STAB2: variants seen among roughly 807,000 people sequenced by gnomAD.
STAB2 encodes stabilin 2, also known as stabilin-2.
Under a neutral mutation model 338.1 loss-of-function variants are expected in STAB2, and 288 were observed. The ratio of observed to expected loss-of-function variants is 0.85; its 90% CI spans 0.77 to 0.94. The LOEUF is 0.94. Ranked by LOEUF, STAB2 falls within the 40% of genes least tolerant of loss-of-function variation. The probability of loss-of-function intolerance (pLI) is 0.00; values close to 1 mark genes in which losing one functional copy is unlikely to be tolerated. For synonymous variants in STAB2, 1,202 were observed against 1,193.3 expected, an observed-to-expected ratio of 1.01 and a Z score of -0.15; for missense variants, 3,141 against 3,210.1, an observed-to-expected ratio of 0.98 and a Z score of 0.52.
chr12:103,761,525 GAGCCTCC>G, intron 66 of STAB2, 115 bp downstream of exon 66: 2 of 933,314 alleles, frequency 2.1e-6, no homozygotes, highest in Middle Eastern at 3.5e-4. Flanking sequence ...GAGACTGGAG[GAGCCTCC>G]AGCCTCCAAC....
intron 65 of STAB2, among the ~76,000 whole-genome samples, chr12:103,759,705 G>T (rs1884399911): frequency 6.6e-6 from 1 of 152,200 alleles, no homozygotes; most frequent in Non-Finnish European, 1.5e-5. Flanking sequence ...GGTGATGGTG[G>T]TGATGATGAT....
chr12:103,674,578 T>C (rs1445926607), intron 23 of STAB2, among the ~76,000 whole-genome samples: 3 of 152,228 alleles, frequency 2.0e-5, no homozygotes, highest in Non-Finnish European at 4.4e-5. Context: ...GCTCCCCTGT[T>C]AAAGGCATCT....
At position 103,706,924 on chromosome 12, in the gene STAB2, G is replaced by C; in HGVS notation, c.4129G>C (p.Gly1377Arg). Residue 1377 changes from glycine to arginine, a missense_variant, in exon 38 of 69, where the codon GGC becomes CGC. Physicochemically the swap from Gly to Arg is moderately radical, Grantham distance 125. Coordinates refer to ENST00000388887, the MANE Select transcript of STAB2 (RefSeq NM_017564.10). ...CACAGGTGTGTGTGAGTGTGGGGAG[G>C]GCTTCAGCGGCACAGCCTGCGAGAC... Reference protein sequence around the residue: ...NGTGVCECGEGFSGTACETCT... With the variant: ...NGTGVCECGERFSGTACETCT... 1 of 1,614,198 alleles carries C rather than the reference G, an allele frequency of 6.2e-7. No homozygotes were observed. The highest frequency in any genetic ancestry group is 8.5e-7 in the Non-Finnish European group (1 of 1,180,034).
intron 67 of STAB2, among the ~76,000 whole-genome samples, chr12:103,763,018 G>A (rs1031192585): frequency 1.3e-5 from 2 of 152,244 alleles, no homozygotes; most frequent in Non-Finnish European, 2.9e-5. Flanking sequence ...AGGCTGTGGT[G>A]CAGAGCCCCC....
At chr12:103,629,963 T>C (rs1468787741) in intron 5 of STAB2, among the ~76,000 whole-genome samples, 1 of 152,196 alleles carries the variant, frequency 6.6e-6, no homozygotes, top group Non-Finnish European at 1.5e-5. Context: ...CTAAGATGTA[T>C]AAAATAAAGT....
At chr12:103,757,479 T>C (rs1328740830) in intron 63 of STAB2, among the ~76,000 whole-genome samples, 1 of 152,148 alleles carries the variant, frequency 6.6e-6, no homozygotes, top group Non-Finnish European at 1.5e-5. Flanking sequence ...GTCAATAGTA[T>C]TGAGTGCTAG....
intron 3 of STAB2, among the ~76,000 whole-genome samples, chr12:103,606,548 T>C (rs1313196523): frequency 6.6e-6 from 1 of 152,256 alleles, no homozygotes; most frequent in African/African-American, 2.4e-5. Context: ...GATTAATTCT[T>C]CTACCTTTCG....
intron 58 of STAB2, 137 bp downstream of exon 58, chr12:103,746,841 C>T: frequency 1.3e-6 from 1 of 772,806 alleles, no homozygotes; most frequent in Non-Finnish European, 2.2e-6. Context: ...CTCTATGACT[C>T]AGTTTCTTTA....
intron 31 of STAB2, 129 bp from the exon 32 acceptor site, chr12:103,695,421 T>C: frequency 2.6e-6 from 2 of 772,992 alleles, no homozygotes; most frequent in Non-Finnish European, 4.2e-6. Context: ...TGAGTAATCT[T>C]CAAAAGGTTG....
At chr12:103,598,641 T>G (rs1956911639) in intron 3 of STAB2, among the ~76,000 whole-genome samples, 1 of 152,214 alleles carries the variant, frequency 6.6e-6, no homozygotes, top group Non-Finnish European at 1.5e-5. Context: ...TTACACTTTT[T>G]CGTTAAAAAT....
intron 65 of STAB2, among the ~76,000 whole-genome samples, chr12:103,759,699 ATGG>A (rs1398965668): frequency 6.6e-6 from 1 of 152,162 alleles, no homozygotes; most frequent in Non-Finnish European, 1.5e-5. Flanking sequence ...GATGATGGTG[ATGG>A]TGGTGATGAT....
chr12:103,711,945 G>A (rs1008434215), intron 40 of STAB2, among the ~76,000 whole-genome samples: 4 of 152,220 alleles, frequency 2.6e-5, no homozygotes, highest in African/African-American at 9.6e-5. Flanking sequence ...TCTGTTATTT[G>A]CACTACCACA....
At chr12:103,612,091 G>A (rs1030959376) in intron 3 of STAB2, among the ~76,000 whole-genome samples, 5 of 152,002 alleles carry the variant, frequency 3.3e-5, no homozygotes, top group African/African-American at 7.3e-5. Flanking sequence ...TGTGTAACCC[G>A]ACCTTTCTCT....
At chr12:103,612,839 T>C (rs1346523842) in intron 3 of STAB2, among the ~76,000 whole-genome samples, 1 of 152,230 alleles carries the variant, frequency 6.6e-6, no homozygotes, top group African/African-American at 2.4e-5. Flanking sequence ...TGGTCTTTGA[T>C]GAAGGTGACG....
intron 40 of STAB2, among the ~76,000 whole-genome samples, chr12:103,711,914 G>A (rs537076281): frequency 5.9e-5 from 9 of 152,338 alleles, no homozygotes; most frequent in African/African-American, 1.9e-4. Flanking sequence ...AGTGGAGTTA[G>A]ACATGAATTC....
intron 17 of STAB2, among the ~76,000 whole-genome samples, chr12:103,661,136 G>A (rs1469781274): frequency 2.6e-5 from 4 of 151,260 alleles, no homozygotes; most frequent in South Asian, 4.2e-4. Context: ...AGGCCAGGAG[G>A]TCCTCATTGA....
At chr12:103,765,324 G>A (rs1371244587) in intron 68 of STAB2, among the ~76,000 whole-genome samples, 1 of 152,162 alleles carries the variant, frequency 6.6e-6, no homozygotes, top group African/African-American at 2.4e-5. Context: ...GCAGGATTCA[G>A]CTAAACCTAC....
chr12:103,672,876 G>A (rs1041336713), intron 22 of STAB2, among the ~76,000 whole-genome samples: 33 of 152,170 alleles, frequency 2.2e-4, no homozygotes, highest in African/African-American at 1.7e-4. Flanking sequence ...ACACAGTCAC[G>A]AACGGAAATG....
chr12:103,649,674 C>T (rs1873592684), intron 10 of STAB2, among the ~76,000 whole-genome samples: 1 of 152,168 alleles, frequency 6.6e-6, no homozygotes. Context: ...GGTTAAATAT[C>T]CCATTTAATG....
Sources: gnomAD v4.1 joint callset for allele counts (sites outside exome capture counted in the v4.1 genomes callset) on GRCh38, gnomAD v4.1.1 for gene constraint, MANE v1.5 for transcripts, NCBI Gene and HGNC (gene_info 2026-07-23, HGNC 2026-07-21) for gene names.